LRPPRC: variants seen among roughly 807,000 people sequenced by gnomAD.
LRPPRC encodes the protein leucine-rich PPR motif-containing protein, mitochondrial.
In LRPPRC, 120 loss-of-function variants were observed where a neutral mutation model predicts 180.3. The observed-to-expected ratio is 0.67, with a 90% CI of 0.57 to 0.77. LRPPRC has a LOEUF of 0.77. Ranked by LOEUF, LRPPRC falls within the 30% of genes least tolerant of loss-of-function variation. The pLI, the probability that LRPPRC is intolerant of heterozygous loss-of-function variation, is 0.00. For synonymous variants in LRPPRC, 723 were observed against 600.0 expected (o/e 1.21, Z -3.00); for missense variants, 2,012 against 1,657.2 (o/e 1.21, Z -3.72).
chr2:43,953,041 T>C (rs959240409), intron 14 of LRPPRC, among the ~76,000 whole-genome samples: 5 of 152,212 alleles, frequency 3.3e-5, no homozygotes, highest in African/African-American at 9.7e-5. Flanking sequence ...CTACTACCAA[T>C]CTACTTACAC....
At chr2:43,987,048 G>A (rs750656006) in intron 1 of LRPPRC, among the ~76,000 whole-genome samples, 1 of 152,124 alleles carries the variant, frequency 6.6e-6, no homozygotes, top group Non-Finnish European at 1.5e-5. Flanking sequence ...TTGATACGCT[G>A]GATCACGTGG....
At chr2:43,972,326 TCAA>T (rs1673857777) in intron 11 of LRPPRC, among the ~76,000 whole-genome samples, 1 of 152,218 alleles carries the variant, frequency 6.6e-6, no homozygotes, top group East Asian at 1.9e-4. Context: ...TTCTACTATT[TCAA>T]CTGCTACAAC....
At chr2:43,942,849 C>T (rs978695556) in intron 23 of LRPPRC, among the ~76,000 whole-genome samples, 4 of 151,974 alleles carry the variant, frequency 2.6e-5, no homozygotes, top group African/African-American at 4.8e-5. Flanking sequence ...TTTTCATTTT[C>T]GGTGTTTTAC....
At chr2:43,936,720 G>A (rs189515332) in intron 23 of LRPPRC, among the ~76,000 whole-genome samples, 7 of 152,190 alleles carry the variant, frequency 4.6e-5, no homozygotes, top group Admixed American at 2.0e-4. Context: ...CCCTTACTAA[G>A]CCCTGTTTAC....
At chr2:43,929,607 A>G (rs1305771407) in intron 25 of LRPPRC, among the ~76,000 whole-genome samples, 4 of 152,086 alleles carry the variant, frequency 2.6e-5, no homozygotes, top group Non-Finnish European at 1.5e-5. Context: ...TACTGAAGAA[A>G]AACCTACATG....
intron 25 of LRPPRC, among the ~76,000 whole-genome samples, chr2:43,930,877 TAAAC>T (rs552244656): frequency 3.5e-4 from 54 of 152,256 alleles, no homozygotes; most frequent in Non-Finnish European, 4.9e-4. Context: ...TATTTCTCTG[TAAAC>T]AAACAAACAG....
chr2:43,949,537 A>G, intron 16 of LRPPRC, 65 bp downstream of exon 16: 1 of 1,161,612 alleles, frequency 8.6e-7, no homozygotes, highest in Admixed American at 1.7e-5. Flanking sequence ...TAATCCTCCT[A>G]ACCCATCATT....
chr2:43,920,078 T>TAA (rs1558941077), intron 27 of LRPPRC, among the ~76,000 whole-genome samples: 4,540 of 69,168 alleles, frequency 0.066, 95 homozygotes, highest in Middle Eastern at 0.15. Flanking sequence ...AATCAGCAAT[T>TAA]TAAAAAAAAA....
intron 2 of LRPPRC, among the ~76,000 whole-genome samples, chr2:43,981,909 T>C (rs6752841): frequency 0.53 from 55,056 of 104,772 alleles, 11,741 homozygotes; most frequent in Middle Eastern, 0.62. Context: ...AATTTAAGAC[T>C]TTTTTTTTTG....
intron 11 of LRPPRC, among the ~76,000 whole-genome samples, chr2:43,965,069 T>C (rs1444341961): frequency 6.6e-6 from 1 of 152,162 alleles, no homozygotes; most frequent in Non-Finnish European, 1.5e-5. Flanking sequence ...TGGTGTGATC[T>C]TGGCTCACTA....
chr2:43,963,363 G>C (rs963749012), intron 12 of LRPPRC: 2 of 606,252 alleles, frequency 3.3e-6, no homozygotes, highest in Non-Finnish European at 5.8e-6. Flanking sequence ...AGAATTGCTT[G>C]AACCCAGGAG....
chr2:43,920,271 G>C (rs745349242), intron 27 of LRPPRC, among the ~76,000 whole-genome samples: 1 of 152,018 alleles, frequency 6.6e-6, no homozygotes, highest in Non-Finnish European at 1.5e-5. Context: ...GAGTAGCTGA[G>C]ATTACAGGTG....
rs117036193 is a variant in LRPPRC, at chr2:43,895,126, T to C, written c.3901-497A>G. ...CAGACTCGGCTATGGCTTTATTTCCTGTAGCGAGTGAATACAGAACTGCTA... is the reference window on the plus strand; with the variant it reads ...CAGACTCGGCTATGGCTTTATTTCCCGTAGCGAGTGAATACAGAACTGCTA... On this transcript the variant is annotated intron_variant, in intron 35 of 37. Coordinates refer to ENST00000260665, the MANE Select transcript of LRPPRC (RefSeq NM_133259.4). Among the ~76,000 whole-genome samples the C allele has an allele frequency of 5.1e-3, 774 of 152,344 alleles. 2 individuals are homozygous for C. The highest frequency in any genetic ancestry group is 0.015 in the East Asian group (78 of 5,190).
At chr2:43,973,085 GATTGAAC>G (rs1559038783) in intron 11 of LRPPRC, among the ~76,000 whole-genome samples, 2 of 152,192 alleles carry the variant, frequency 1.3e-5, no homozygotes, top group African/African-American at 2.4e-5. Flanking sequence ...GAACCTGAAA[GATTGAAC>G]ATTTTTGTCC....
intron 36 of LRPPRC, 109 bp downstream of exon 36, chr2:43,894,436 C>T: frequency 1.5e-6 from 1 of 656,894 alleles, no homozygotes; most frequent in Non-Finnish European, 2.8e-6. Flanking sequence ...TGCCTTTGAG[C>T]TGAAGACTAA....
intron 1 of LRPPRC, among the ~76,000 whole-genome samples, chr2:43,992,204 A>G (rs1218796671): frequency 6.6e-6 from 1 of 152,172 alleles, no homozygotes; most frequent in Middle Eastern, 3.2e-3. Context: ...ACACCTGACT[A>G]AGGGGGAAGG....
intron 30 of LRPPRC, among the ~76,000 whole-genome samples, chr2:43,910,454 C>G (rs931369692): frequency 6.6e-6 from 1 of 152,082 alleles, no homozygotes; most frequent in Non-Finnish European, 1.5e-5. Context: ...AGGCTGGTCT[C>G]GAACTCCTGA....
Position 43,947,457 on chromosome 2 carries a change from C to A in LRPPRC, c.1966-87G>T, listed in dbSNP as rs1672729861. 5.5e-6 allele frequency: 4 copies of A among 721,644 alleles called. No individual in the cohort carries two copies. The South Asian group carries it at 6.1e-5, about 11-fold the overall frequency. 44.7% of individuals were successfully genotyped at this position (721,644 alleles called of 1,614,324 possible). The stretch of plus-strand genomic sequence containing the variant: ...TCACTCTTCCCTTTAAACTGACTTT[C>A]CTTTCTACCTTCCTAAATGTCATAA... On this transcript the variant is annotated intron_variant, in intron 19 of 37. Coordinates refer to ENST00000260665, the MANE Select transcript of LRPPRC (RefSeq NM_133259.4).
At chr2:43,971,192 C>CT in intron 11 of LRPPRC, among the ~76,000 whole-genome samples, 1 of 151,582 alleles carries the variant, frequency 6.6e-6, no homozygotes, top group South Asian at 2.1e-4. Context: ...TATTTTATCC[C>CT]TTTCACATTC....
Sources: allele counts gnomAD v4.1 joint callset (sites outside exome capture counted in the v4.1 genomes callset), GRCh38; gene constraint gnomAD v4.1.1; transcripts MANE v1.5; gene names NCBI Gene and HGNC (gene_info 2026-07-23, HGNC 2026-07-21).